The following TAB2 variants were observed in gnomAD, a reference collection of about 807,000 sequenced individuals.
TAB2 encodes TGF-beta-activated kinase 1 and MAP3K7-binding protein 2.
In TAB2, 3 loss-of-function variants were observed where a neutral mutation model predicts 65.0. The ratio of observed to expected loss-of-function variants is 0.05; its 90% CI spans 0.02 to 0.12. TAB2 has a LOEUF of 0.12. Ranked by LOEUF, TAB2 falls within the 10% of genes least tolerant of loss-of-function variation. The probability of loss-of-function intolerance (pLI) is 1.00; values close to 1 mark genes in which losing one functional copy is unlikely to be tolerated. For synonymous variants in TAB2, 298 were observed against 285.1 expected, an observed-to-expected ratio of 1.05 and a Z score of -0.46; for missense variants, 623 against 840.3, an observed-to-expected ratio of 0.74 and a Z score of 3.20.
intron 1 of TAB2, among the ~76,000 whole-genome samples, chr6:149,303,311 G>A (rs981546626): frequency 6.6e-6 from 1 of 152,170 alleles, no homozygotes; most frequent in Non-Finnish European, 1.5e-5. Context: ...CTGTCCCATA[G>A]TCTGTGGAAA....
chr6:149,230,219 T>C (rs548794828), intron 1 of TAB2: 1 of 152,374 alleles, frequency 6.6e-6, no homozygotes, highest in East Asian at 1.9e-4. Flanking sequence ...CATCCTGCAA[T>C]AATGTTTGCA....
At position 149,218,708 on chromosome 6, in the gene TAB2, T is replaced by G. The variant is rs1368592455; in HGVS notation, c.-189T>G. ...AACACCATCTGATCCAGTTTCAATATGACTGCCTGGATGAAGAAGGATTTG... is the reference window on the plus strand; with the variant it reads ...AACACCATCTGATCCAGTTTCAATAGGACTGCCTGGATGAAGAAGGATTTG... On this transcript the variant is annotated 5_prime_UTR_variant, in exon 1 of 2. Transcript: ENST00000606202. 1.5e-5 allele frequency: 7 copies of G among 455,332 alleles called. No homozygotes were observed. The East Asian group carries it at 4.9e-4, about 32-fold the overall frequency. 28.2% of individuals were successfully genotyped at this position (455,332 alleles called of 1,614,324 possible).
intron 1 of TAB2, 47 bp from the exon 2 acceptor site, chr6:149,369,862 C>A: frequency 1.4e-6 from 1 of 700,902 alleles, no homozygotes; most frequent in South Asian, 1.6e-5. Flanking sequence ...CAACAATATT[C>A]CTTCTATAAT....
chr6:149,386,706 C>T (rs186396233), intron 3 of TAB2, among the ~76,000 whole-genome samples: 81 of 152,248 alleles, frequency 5.3e-4, no homozygotes, highest in African/African-American at 1.9e-3. Context: ...TGTTGCCATA[C>T]TGTTTTCCAA....
chr6:149,318,786 A>C (rs1779344176), intron 1 of TAB2: 1 of 152,172 alleles, frequency 6.6e-6, no homozygotes, highest in Non-Finnish European at 1.5e-5. Context: ...AGACCGTGTG[A>C]GTTTGTATTT....
At chr6:149,302,234 A>G (rs1226246366) in intron 1 of TAB2, among the ~76,000 whole-genome samples, 3 of 152,226 alleles carry the variant, frequency 2.0e-5, no homozygotes, top group Non-Finnish European at 4.4e-5. Context: ...ATATAACATT[A>G]CATATATGCA....
chr6:149,370,805 C>G (rs989430623), intron 2 of TAB2, among the ~76,000 whole-genome samples: 1 of 152,030 alleles, frequency 6.6e-6, no homozygotes, highest in African/African-American at 2.4e-5. Context: ...GTGACTCACT[C>G]CTGTAATCCC....
At chr6:149,262,276 T>C (rs548574384) in intron 1 of TAB2, among the ~76,000 whole-genome samples, 12 of 152,354 alleles carry the variant, frequency 7.9e-5, no homozygotes, top group African/African-American at 2.9e-4. Flanking sequence ...CTCATGCCTG[T>C]AATCCCAACA....
intron 3 of TAB2, among the ~76,000 whole-genome samples, chr6:149,394,870 G>T (rs771472248): frequency 7.9e-5 from 12 of 152,222 alleles, no homozygotes; most frequent in Admixed American, 3.3e-4. Flanking sequence ...AATCATTTAG[G>T]ATTTTGTAGG....
At chr6:149,395,812 A>G (rs1782145269) in intron 3 of TAB2, among the ~76,000 whole-genome samples, 1 of 151,864 alleles carries the variant, frequency 6.6e-6, no homozygotes, top group Non-Finnish European at 1.5e-5. Flanking sequence ...GTGATTGTTG[A>G]ATTTCCCCAG....
chr6:149,299,847 T>A (rs2114702207), intron 1 of TAB2, among the ~76,000 whole-genome samples: 1 of 151,996 alleles, frequency 6.6e-6, no homozygotes, highest in Admixed American at 6.6e-5. Context: ...TACAATTTTT[T>A]TTTTTTTTTA....
chr6:149,289,334 TAGTG>T (rs781340746), intron 1 of TAB2, among the ~76,000 whole-genome samples: 23 of 151,304 alleles, frequency 1.5e-4, no homozygotes, highest in Non-Finnish European at 2.8e-4. Flanking sequence ...AACAAGGTCA[TAGTG>T]AGCTATGTTC....
At chr6:149,267,505 C>A (rs1778284774) in intron 1 of TAB2, among the ~76,000 whole-genome samples, 1 of 152,170 alleles carries the variant, frequency 6.6e-6, no homozygotes, top group Non-Finnish European at 1.5e-5. Flanking sequence ...ATTGCCTCTT[C>A]TTCCACTTGA....
At chr6:149,254,031 GAA>G (rs1583048860) in intron 1 of TAB2, among the ~76,000 whole-genome samples, 1 of 142,804 alleles carries the variant, frequency 7.0e-6, no homozygotes, top group Non-Finnish European at 1.5e-5. Flanking sequence ...AGAAAAGAAA[GAA>G]AGAGAGAAAG....
chr6:149,299,648 CCTATT>C (rs1475835604), intron 1 of TAB2, among the ~76,000 whole-genome samples: 1 of 152,108 alleles, frequency 6.6e-6, no homozygotes, highest in Non-Finnish European at 1.5e-5. Context: ...TTAGGGCAAA[CCTATT>C]CTATCCTGTA....
chr6:149,314,073 T>A (rs1475387829), upstream of TAB2, among the ~76,000 whole-genome samples: 3 of 152,208 alleles, frequency 2.0e-5, 1 homozygote, highest in South Asian at 6.2e-4. Context: ...CTATGCTACT[T>A]TGGAATTTCC....
intron 1 of TAB2, among the ~76,000 whole-genome samples, chr6:149,280,943 A>C (rs1778561540): frequency 6.6e-6 from 1 of 151,976 alleles, no homozygotes; most frequent in African/African-American, 2.4e-5. Flanking sequence ...AAAAAAAAAA[A>C]AAAAAAAGAA....
chr6:149,398,166 A>AC, intron 5 of TAB2, 104 bp downstream of exon 5: 2 of 987,758 alleles, frequency 2.0e-6, no homozygotes, highest in Non-Finnish European at 3.1e-6. Context: ...ACTGTCTCAG[A>AC]ACATGTGGCT....
intron 1 of TAB2, among the ~76,000 whole-genome samples, chr6:149,232,301 C>T (rs933141338): frequency 4.6e-5 from 7 of 152,084 alleles, no homozygotes; most frequent in African/African-American, 1.7e-4. Context: ...CATCTCAGCT[C>T]ACTGCAACCT....
Sources: gnomAD v4.1 joint callset for allele counts (sites outside exome capture counted in the v4.1 genomes callset) on GRCh38, gnomAD v4.1.1 for gene constraint, MANE v1.5 for transcripts, NCBI Gene and HGNC (gene_info 2026-07-23, HGNC 2026-07-21) for gene names.